NKAIN2: variants seen among roughly 807,000 people sequenced by gnomAD.
The protein encoded by NKAIN2 is sodium/potassium transporting ATPase interacting 2.
NKAIN2 carries 14 observed loss-of-function variants against 32.6 expected under a neutral mutation model. The ratio of observed to expected loss-of-function variants is 0.43; its 90% CI spans 0.28 to 0.67. The LOEUF (loss-of-function observed/expected upper bound fraction) is 0.67. NKAIN2 is among the 30% of genes least tolerant of loss of function. The pLI, the probability that NKAIN2 is intolerant of heterozygous loss-of-function variation, is 0.17. For missense variants in NKAIN2, 198 were observed against 258.3 expected (o/e 0.77, Z 1.60); for synonymous variants, 80 against 87.2 (o/e 0.92, Z 0.46).
At chr6:124,617,106 A>ATTTG (rs1183676047) in intron 3 of NKAIN2, among the ~76,000 whole-genome samples, 1 of 152,232 alleles carries the variant, frequency 6.6e-6, no homozygotes, top group Admixed American at 6.5e-5. Flanking sequence ...TAGTTTTATT[A>ATTTG]TTTGTTAAAT....
intron 1 of NKAIN2, among the ~76,000 whole-genome samples, chr6:124,120,116 A>G (rs546925464): frequency 6.6e-6 from 1 of 152,268 alleles, no homozygotes; most frequent in East Asian, 1.9e-4. Flanking sequence ...TTAATATATT[A>G]ATGAACAGTT....
chr6:124,610,221 ATC>A lies in NKAIN2; in HGVS notation c.274-47963_274-47962del, dbSNP rs1242893679. On this transcript the variant is annotated intron_variant, in intron 3 of 6. Coordinates refer to ENST00000368417, the MANE Select transcript of NKAIN2 (RefSeq NM_001040214.3). Reference sequence around the variant, plus strand: ...TAATATTGTATCTACTTACATATACATCTAAGCTGTAGGCTACTCAGGGGCAC... The same window carrying A: ...TAATATTGTATCTACTTACATATACATAAGCTGTAGGCTACTCAGGGGCAC... Among the ~76,000 whole-genome samples the A allele has an allele frequency of 2.6e-5, 4 of 152,312 alleles. No individual in the cohort carries two copies. In the East Asian group the frequency reaches 7.7e-4, roughly 29 times the overall value.
chr6:124,274,986 AAAAC>A (rs1562464942), intron 1 of NKAIN2, among the ~76,000 whole-genome samples: 1 of 152,110 alleles, frequency 6.6e-6, no homozygotes, highest in Non-Finnish European at 1.5e-5. Context: ...AATTAAACAA[AAAAC>A]AAACAATATT....
chr6:123,917,324 C>G (rs1775547374), intron 1 of NKAIN2, among the ~76,000 whole-genome samples: 1 of 152,022 alleles, frequency 6.6e-6, no homozygotes, highest in Non-Finnish European at 1.5e-5. Flanking sequence ...GTAATGCTTG[C>G]ATCTTCTCTA....
At chr6:124,091,895 C>A (rs1406837680) in intron 1 of NKAIN2, among the ~76,000 whole-genome samples, 1 of 151,994 alleles carries the variant, frequency 6.6e-6, no homozygotes, top group African/African-American at 2.4e-5. Context: ...CTTATTCTTA[C>A]CTGGGACTTT....
intron 1 of NKAIN2, among the ~76,000 whole-genome samples, chr6:124,056,557 G>T (rs992661732): frequency 2.0e-5 from 3 of 151,856 alleles, no homozygotes; most frequent in Admixed American, 6.6e-5. Flanking sequence ...CTAAATATAG[G>T]TGAATAATAA....
At chr6:123,897,564 C>T (rs1257330263) in intron 1 of NKAIN2, among the ~76,000 whole-genome samples, 1 of 152,076 alleles carries the variant, frequency 6.6e-6, no homozygotes, top group Non-Finnish European at 1.5e-5. Flanking sequence ...TAACACTGGG[C>T]TGAGATGCAG....
intron 1 of NKAIN2, among the ~76,000 whole-genome samples, chr6:123,938,484 A>G: frequency 7.4e-6 from 1 of 136,048 alleles, no homozygotes; most frequent in African/African-American, 2.7e-5. Context: ...TATACATAAT[A>G]TATAATATAT....
At chr6:124,781,094 T>C (rs1779244436) in intron 4 of NKAIN2, among the ~76,000 whole-genome samples, 1 of 152,166 alleles carries the variant, frequency 6.6e-6, no homozygotes, top group African/African-American at 2.4e-5. Context: ...TTTAACTTTT[T>C]TTTAAGTGAA....
At chr6:124,208,998 A>G (rs1408645007) in intron 1 of NKAIN2, among the ~76,000 whole-genome samples, 1 of 151,522 alleles carries the variant, frequency 6.6e-6, no homozygotes, top group Non-Finnish European at 1.5e-5. Flanking sequence ...TAATTATTTT[A>G]AAATATGCCA....
intron 1 of NKAIN2, among the ~76,000 whole-genome samples, chr6:124,138,600 A>G (rs1346355797): frequency 6.8e-6 from 1 of 146,874 alleles, no homozygotes; most frequent in Non-Finnish European, 1.5e-5. Flanking sequence ...AAGCCCATCA[A>G]CCAATGAGTG....
chr6:123,867,992 C>A (rs1331286177), intron 1 of NKAIN2, among the ~76,000 whole-genome samples: 1 of 151,934 alleles, frequency 6.6e-6, no homozygotes, highest in East Asian at 1.9e-4. Flanking sequence ...CCTCAGCCTC[C>A]CGAGTAGCTG....
intron 1 of NKAIN2, among the ~76,000 whole-genome samples, chr6:123,897,135 C>A (rs984685095): frequency 6.6e-6 from 1 of 152,132 alleles, no homozygotes. Flanking sequence ...TTTCTCAATG[C>A]CATTAGAGTG....
intron 4 of NKAIN2, among the ~76,000 whole-genome samples, chr6:124,669,600 C>A (rs932333731): frequency 6.6e-6 from 1 of 151,970 alleles, no homozygotes; most frequent in African/African-American, 2.4e-5. Flanking sequence ...TCTACTCAGG[C>A]CAGCATTATC....
chr6:124,811,735 T>C (rs1235952901), intron 5 of NKAIN2, among the ~76,000 whole-genome samples: 1 of 152,078 alleles, frequency 6.6e-6, no homozygotes, highest in African/African-American at 2.4e-5. Context: ...GCATTCCAAG[T>C]TGTCTTTTGG....
chr6:123,855,183 T>G (rs1389410917), intron 1 of NKAIN2, among the ~76,000 whole-genome samples: 1 of 152,216 alleles, frequency 6.6e-6, no homozygotes, highest in African/African-American at 2.4e-5. Context: ...GTTTTAAATT[T>G]ATCGCATTTA....
chr6:124,686,672 G>A (rs890624717), intron 4 of NKAIN2, among the ~76,000 whole-genome samples: 7 of 152,104 alleles, frequency 4.6e-5, no homozygotes, highest in Non-Finnish European at 8.8e-5. Context: ...TCTTATGCAG[G>A]TAATCCTGTA....
intron 3 of NKAIN2, among the ~76,000 whole-genome samples, chr6:124,414,515 T>C (rs556359340): frequency 6.6e-6 from 1 of 152,300 alleles, no homozygotes; most frequent in East Asian, 1.9e-4. Flanking sequence ...GCTGGCCTCA[T>C]AGAAGGAATT....
chr6:124,039,629 T>C (rs189243728), intron 1 of NKAIN2, among the ~76,000 whole-genome samples: 4 of 152,014 alleles, frequency 2.6e-5, no homozygotes, highest in Non-Finnish European at 5.9e-5. Flanking sequence ...CATTTAATTT[T>C]AACAATAGGC....
Sources: allele counts gnomAD v4.1 joint callset (sites outside exome capture counted in the v4.1 genomes callset), GRCh38; gene constraint gnomAD v4.1.1; transcripts MANE v1.5; gene names NCBI Gene and HGNC (gene_info 2026-07-23, HGNC 2026-07-21).